ROPN1L: variants seen among roughly 807,000 people sequenced by gnomAD.
ROPN1L encodes the protein rhophilin associated tail protein 1 like, also known as ropporin-1-like protein.
ROPN1L carries 23 observed loss-of-function variants against 22.7 expected under a neutral mutation model. That is an observed-to-expected ratio of 1.01 (90% CI 0.73 to 1.43). The LOEUF is 1.43. ROPN1L is among the 40% of genes most tolerant of loss of function. ROPN1L has a pLI of 0.00. For synonymous variants in ROPN1L, 116 were observed against 117.8 expected (o/e 0.98, Z 0.10); for missense variants, 271 against 291.5 (o/e 0.93, Z 0.51).
At chr5:10,480,699 C>G in the ROPN1L span, among the ~76,000 whole-genome samples, 11 of 152,226 alleles carry the variant, frequency 7.2e-5, no homozygotes, top group African/African-American at 2.6e-4. Context: ...CTGGGAGAGC[C>G]TTGGAAATGC....
intron 2 of ROPN1L, among the ~76,000 whole-genome samples, chr5:10,449,477 C>A (rs1177904882): frequency 6.6e-6 from 1 of 152,150 alleles, no homozygotes; most frequent in Non-Finnish European, 1.5e-5. Flanking sequence ...CGAAATCATG[C>A]CGCTGCACTC....
intron 3 of ROPN1L, 33 bp from the exon 4 acceptor site, chr5:10,461,149 CTG>C (rs1309356769): frequency 4.4e-6 from 7 of 1,584,790 alleles, no homozygotes; most frequent in African/African-American, 2.7e-5. Context: ...CCAGGAGTAA[CTG>C]TTTTTCTCCC....
At chr5:10,470,806 A>G (rs972629651) in intron 4 of ROPN1L, among the ~76,000 whole-genome samples, 1 of 152,258 alleles carries the variant, frequency 6.6e-6, no homozygotes, top group Admixed American at 6.5e-5. Flanking sequence ...CGGGGCCGGA[A>G]GGACATTTGG....
downstream of ROPN1L, among the ~76,000 whole-genome samples, chr5:10,468,859 T>C (rs1320345565): frequency 2.0e-5 from 3 of 152,222 alleles, no homozygotes; most frequent in African/African-American, 7.2e-5. Context: ...GAAGTCACTT[T>C]AAAAATAAAC....
the ROPN1L span, among the ~76,000 whole-genome samples, chr5:10,478,863 C>G: frequency 6.6e-6 from 1 of 152,042 alleles, no homozygotes; most frequent in Non-Finnish European, 1.5e-5. Context: ...TTCTACTTAT[C>G]TCAGGAGCGG....
intron 3 of ROPN1L, among the ~76,000 whole-genome samples, chr5:10,456,645 C>A (rs1381928311): frequency 6.6e-6 from 1 of 152,176 alleles, no homozygotes; most frequent in African/African-American, 2.4e-5. Flanking sequence ...ACTGTGCCAC[C>A]CACAGGCCTT....
At position 10,461,250 on chromosome 5, in the gene ROPN1L, C is replaced by G; in HGVS notation, c.484C>G (p.Arg162Gly). 6.2e-7 allele frequency: 1 copy of G among 1,614,142 alleles called. No individual in the cohort carries two copies. Among genetic ancestry groups the G allele is most frequent in the Non-Finnish European group, 8.5e-7 (1 of 1,180,032 alleles). ...GGACGATCCGGAGGGCGGGCCCGCT[C>G]GCATCCCCTTCAAGACGTTTTCCTA... Reference protein sequence around the residue: ...LTDDPEGGPARIPFKTFSYVY... With the variant: ...LTDDPEGGPAGIPFKTFSYVY... Residue 162 changes from arginine (R) to glycine (G), a missense_variant, in exon 4 of 5, where the codon CGC becomes GGC. Arg to Gly is a moderately radical substitution (Grantham distance 125). Transcript: ENST00000274134.
chr5:10,455,004 C>A (rs770220490), intron 3 of ROPN1L, among the ~76,000 whole-genome samples: 1 of 152,210 alleles, frequency 6.6e-6, no homozygotes, highest in Non-Finnish European at 1.5e-5. Flanking sequence ...TTTCCTGTCT[C>A]GGAGAAGAAC....
At chr5:10,454,668 C>T (rs574675442) in intron 3 of ROPN1L, among the ~76,000 whole-genome samples, 4 of 152,350 alleles carry the variant, frequency 2.6e-5, no homozygotes, top group African/African-American at 9.6e-5. Flanking sequence ...ACAGAAGCAT[C>T]ATTCTTCGTT....
At chr5:10,447,444 T>A (rs976095584) in intron 1 of ROPN1L, among the ~76,000 whole-genome samples, 1 of 151,878 alleles carries the variant, frequency 6.6e-6, no homozygotes, top group Non-Finnish European at 1.5e-5. Flanking sequence ...GGTGGGGGGA[T>A]GGGAGCCAGG....
intron 3 of ROPN1L, 61 bp downstream of exon 3, chr5:10,450,174 A>G (rs894399268): frequency 1.4e-5 from 19 of 1,396,822 alleles, no homozygotes; most frequent in Non-Finnish European, 1.8e-5. Flanking sequence ...GCTTAAAAAT[A>G]ATTTAGGTTT....
intron 3 of ROPN1L, among the ~76,000 whole-genome samples, chr5:10,454,123 T>A (rs796796549): frequency 4.8e-4 from 49 of 102,620 alleles, no homozygotes; most frequent in African/African-American, 1.2e-3. Flanking sequence ...TTGTGGCTTT[T>A]ATTTAATTTT....
downstream of ROPN1L, among the ~76,000 whole-genome samples, chr5:10,467,585 G>GTTCT (rs368114581): frequency 8.3e-4 from 127 of 152,338 alleles, no homozygotes; most frequent in African/African-American, 2.9e-3. Flanking sequence ...GGAATCGTCA[G>GTTCT]TTATGTATCT....
intron 3 of ROPN1L, among the ~76,000 whole-genome samples, chr5:10,460,677 C>G (rs530312620): frequency 5.0e-4 from 76 of 152,328 alleles, no homozygotes; most frequent in Admixed American, 4.4e-3. Context: ...CAGGACAGAG[C>G]CCGGACAGAG....
intron 1 of ROPN1L, among the ~76,000 whole-genome samples, chr5:10,445,163 G>C (rs1741015778): frequency 6.6e-6 from 1 of 152,020 alleles, no homozygotes; most frequent in Non-Finnish European, 1.5e-5. Flanking sequence ...TAGAGACGGG[G>C]GTTTCACCAT....
At chr5:10,474,137 G>A (rs185452016), downstream of ROPN1L, among the ~76,000 whole-genome samples, 3 of 149,556 alleles carry the variant, frequency 2.0e-5, no homozygotes, top group Non-Finnish European at 3.0e-5. Context: ...GGGCTACAGA[G>A]TGAGACTGTG....
intron 3 of ROPN1L, among the ~76,000 whole-genome samples, chr5:10,451,141 C>T (rs1006646227): frequency 2.0e-5 from 3 of 152,256 alleles, no homozygotes; most frequent in Admixed American, 1.3e-4. Flanking sequence ...ATTTTCCCCC[C>T]TCCCTTCAGT....
At chr5:10,469,192 G>A (rs186367312), downstream of ROPN1L, among the ~76,000 whole-genome samples, 265 of 151,788 alleles carry the variant, frequency 1.7e-3, 1 homozygote, top group African/African-American at 5.9e-3. Context: ...ATGATGGAGC[G>A]TTTGCTGGCA....
chr5:10,481,399 T>C, the ROPN1L span, among the ~76,000 whole-genome samples: 1 of 152,162 alleles, frequency 6.6e-6, no homozygotes, highest in Non-Finnish European at 1.5e-5. Context: ...AGTTGTCCGG[T>C]ACTTGCTCCC....
Sources: allele counts gnomAD v4.1 joint callset (sites outside exome capture counted in the v4.1 genomes callset), GRCh38; gene constraint gnomAD v4.1.1; transcripts MANE v1.5; gene names NCBI Gene and HGNC (gene_info 2026-07-23, HGNC 2026-07-21).